The following USP34 variants were observed in gnomAD, a reference collection of about 807,000 sequenced individuals.
USP34 encodes the protein ubiquitin carboxyl-terminal hydrolase 34.
In USP34, 70 loss-of-function variants were observed where a neutral mutation model predicts 460.3. The ratio of observed to expected loss-of-function variants is 0.15; its 90% CI spans 0.13 to 0.19. The LOEUF (loss-of-function observed/expected upper bound fraction) is 0.19. Among genes scored for constraint, USP34 ranks in the 10% least tolerant of loss-of-function variants. USP34 has a pLI of 1.00. For missense variants in USP34, 3,985 were observed against 4,236.2 expected, an observed-to-expected ratio of 0.94 and a Z score of 1.65; for synonymous variants, 1,647 against 1,405.3, an observed-to-expected ratio of 1.17 and a Z score of -3.85.
intron 53 of USP34, among the ~76,000 whole-genome samples, chr2:61,241,302 A>G (rs745385183): frequency 3.3e-4 from 50 of 152,252 alleles, no homozygotes; most frequent in Non-Finnish European, 4.3e-4. Flanking sequence ...TCGGCCTCCC[A>G]AAGTGCTGAG....
chr2:61,236,412 T>C, intron 53 of USP34, 23 bp from the exon 54 acceptor site: 1 of 1,550,630 alleles, frequency 6.4e-7, no homozygotes, highest in Non-Finnish European at 8.8e-7. Context: ...ATGTTAACAT[T>C]AGTGATAAAG....
At chr2:61,230,963 T>C (rs1037490679) in intron 58 of USP34, among the ~76,000 whole-genome samples, 11 of 151,994 alleles carry the variant, frequency 7.2e-5, no homozygotes, top group African/African-American at 2.2e-4. Context: ...CTAACAGCAT[T>C]ACTAAAAACA....
chr2:61,343,678 A>G (rs996004170), intron 16 of USP34, 137 bp downstream of exon 16: 1 of 870,770 alleles, frequency 1.1e-6, no homozygotes, highest in African/African-American at 1.7e-5. Flanking sequence ...GGGAAAAAAA[A>G]AAACTACCAT....
At chr2:61,435,655 ACAAT>A (rs1388470388) in intron 1 of USP34, among the ~76,000 whole-genome samples, 2 of 152,184 alleles carry the variant, frequency 1.3e-5, no homozygotes, top group African/African-American at 4.8e-5. Context: ...TAACTAAAAA[ACAAT>A]CAATAAAATG....
At chr2:61,278,061 C>T (rs1284458054) in intron 41 of USP34, 104 bp downstream of exon 41, 11 of 1,359,724 alleles carry the variant, frequency 8.1e-6, no homozygotes, top group South Asian at 2.8e-5. Flanking sequence ...TGCCCAGTCT[C>T]GGGTATGCCT....
intron 30 of USP34, 25 bp downstream of exon 30, chr2:61,296,775 G>C (rs768822083): frequency 2.5e-6 from 4 of 1,605,612 alleles, no homozygotes; most frequent in African/African-American, 1.3e-5. Flanking sequence ...GCCTCTAGGA[G>C]AGTAAAGAGA....
intron 37 of USP34, among the ~76,000 whole-genome samples, chr2:61,281,677 A>C (rs1264561412): frequency 6.6e-6 from 1 of 152,236 alleles, no homozygotes; most frequent in African/African-American, 2.4e-5. Context: ...ATGATCAAAT[A>C]AAGTATCTCA....
intron 43 of USP34, among the ~76,000 whole-genome samples, chr2:61,262,045 C>T (rs59336770): frequency 0.031 from 4,027 of 131,246 alleles, 204 homozygotes; most frequent in African/African-American, 0.11. Flanking sequence ...GAGCCAAGAT[C>T]GCGCCACTGC....
At chr2:61,453,639 G>C (rs1172008769) in intron 1 of USP34, among the ~76,000 whole-genome samples, 3 of 150,156 alleles carry the variant, frequency 2.0e-5, no homozygotes, top group African/African-American at 7.4e-5. Context: ...GAACCAAGGA[G>C]GCGCAGGTTG....
At chr2:61,430,210 G>A (rs1323960578) in intron 1 of USP34, among the ~76,000 whole-genome samples, 5 of 131,570 alleles carry the variant, frequency 3.8e-5, no homozygotes, top group South Asian at 2.4e-4. Context: ...GCGAGTCTTC[G>A]TCACAAAAAA....
At chr2:61,367,853 C>T (rs1301174412) in intron 10 of USP34, among the ~76,000 whole-genome samples, 1 of 133,218 alleles carries the variant, frequency 7.5e-6, no homozygotes, top group Non-Finnish European at 1.7e-5. Flanking sequence ...AATTAATCAT[C>T]ATTAACACAA....
chr2:61,465,880 G>C (rs1695747634), intron 1 of USP34, among the ~76,000 whole-genome samples: 1 of 152,088 alleles, frequency 6.6e-6, no homozygotes, highest in African/African-American at 2.4e-5. Context: ...GGGAAGCTGA[G>C]TCAGGAGAAT....
At chr2:61,328,209 C>A (rs993620425) in intron 20 of USP34, among the ~76,000 whole-genome samples, 1 of 149,714 alleles carries the variant, frequency 6.7e-6, no homozygotes, top group Non-Finnish European at 1.5e-5. Flanking sequence ...GGCTGAGGCA[C>A]GAGAATCACT....
At chr2:61,427,726 T>C (rs953019877) in intron 1 of USP34, among the ~76,000 whole-genome samples, 3 of 152,158 alleles carry the variant, frequency 2.0e-5, no homozygotes, top group Non-Finnish European at 2.9e-5. Flanking sequence ...TGCAGCAGAA[T>C]TGATGGCAGA....
At chr2:61,342,717 T>C (rs1179350943) in intron 16 of USP34, among the ~76,000 whole-genome samples, 4 of 152,216 alleles carry the variant, frequency 2.6e-5, no homozygotes, top group Admixed American at 2.6e-4. Flanking sequence ...CTTCTAGTAC[T>C]AAAAACATTG....
chr2:61,255,366 CTAACTG>C (rs1169874751), intron 48 of USP34, among the ~76,000 whole-genome samples: 1 of 152,196 alleles, frequency 6.6e-6, no homozygotes, highest in Non-Finnish European at 1.5e-5. Flanking sequence ...TCACCAAGCT[CTAACTG>C]TAACAGCCAA....
Position 61,317,750 on chromosome 2 carries a change from A to G in USP34, c.3186T>C (p.Pro1062=), listed in dbSNP as rs1389121622. 1 of 1,613,862 alleles carries G rather than the reference A, an allele frequency of 6.2e-7. No individual in the cohort carries two copies. Among genetic ancestry groups the G allele is most frequent in the Middle Eastern group, 1.6e-4 (1 of 6,062 alleles). The change falls in exon 23 of 80, where the codon CCT becomes CCC. Residue 1062 remains proline (P), a synonymous_variant. Transcript: ENST00000398571. The part of the protein sequence containing the change: ...LFLEKMPQLK[P]ETISMTGLNL... ...TTAAGCCAGTCATGCTAATTGTTTCAGGTTTTAGCTGGGGCATCTTTGGAA... is the reference window on the plus strand; with the variant it reads ...TTAAGCCAGTCATGCTAATTGTTTCGGGTTTTAGCTGGGGCATCTTTGGAA...
intron 1 of USP34, among the ~76,000 whole-genome samples, chr2:61,457,015 C>G (rs925874160): frequency 6.6e-6 from 1 of 151,888 alleles, no homozygotes. Context: ...ACTGCTCACA[C>G]CTGTAACCCC....
intron 29 of USP34, among the ~76,000 whole-genome samples, chr2:61,297,748 T>C (rs1359137787): frequency 1.3e-5 from 2 of 152,164 alleles, no homozygotes; most frequent in Non-Finnish European, 2.9e-5. Context: ...AGAAAATCTT[T>C]ATTTTTTTTT....
Sources: allele counts gnomAD v4.1 joint callset (sites outside exome capture counted in the v4.1 genomes callset), GRCh38; gene constraint gnomAD v4.1.1; transcripts MANE v1.5; gene names NCBI Gene and HGNC (gene_info 2026-07-23, HGNC 2026-07-21).